Variants in EZR observed in about 807,000 individuals in gnomAD.
The protein encoded by EZR is cytovillin 2.
A neutral mutation model predicts 74.8 loss-of-function variants in EZR; 40 were observed. The observed-to-expected ratio is 0.53, with a 90% CI of 0.42 to 0.70. The LOEUF is 0.70. Ranked by LOEUF, EZR falls within the 30% of genes least tolerant of loss-of-function variation. EZR has a pLI of 0.00. For synonymous variants in EZR, 341 were observed against 283.3 expected (o/e 1.20, Z -2.05); for missense variants, 678 against 755.8 (o/e 0.90, Z 1.21).
intron 8 of EZR, among the ~76,000 whole-genome samples, chr6:158,773,681 C>T (rs1454123931): frequency 2.6e-5 from 4 of 152,198 alleles, no homozygotes; most frequent in African/African-American, 4.8e-5. Context: ...CTCATCTGGC[C>T]GCAGAGATGG....
At chr6:158,789,705 T>A (rs1791682289) in intron 2 of EZR, among the ~76,000 whole-genome samples, 2 of 152,166 alleles carry the variant, frequency 1.3e-5, no homozygotes, top group African/African-American at 2.4e-5. Context: ...CTAGTCATGA[T>A]CTCCCAGGCT....
At position 158,818,082 on chromosome 6, in the gene EZR, T is replaced by C. The variant is rs769585908; in HGVS notation, c.12A>G (p.Pro4=). MPK[P]INVRVTTMDA... ...CCGGCCCAGAAACTGGGCAACTTAC[T>C]GGTTTCGGCATTTTCGGTTTCTGGT... The change falls in exon 2 of 14, where the codon CCA becomes CCG. Residue 4 remains proline (P), a splice_region_variant and synonymous_variant. Transcript: ENST00000367075. 7 of 1,609,746 alleles carry C rather than the reference T, an allele frequency of 4.3e-6. No homozygotes were observed. Among genetic ancestry groups the C allele is most frequent in the Middle Eastern group, 1.7e-4 (1 of 6,054 alleles).
In EZR at chr6:158,784,647, A is replaced by G. The variant is rs1336754517; in HGVS notation, c.548T>C (p.Leu183Pro). The part of the protein sequence containing the change: ...QVWHAEHRGM[L>P]KDNAMLEYLK... ...AACAGCAGGGCACAGCACTCACTTG[A>G]GCATCCCACGGTGTTCCGCATGCCA... Residue 183 changes from leucine (L) to proline (P), a missense_variant, in exon 6 of 14, where the codon CTC (leucine) becomes CCC (proline). Coordinates refer to ENST00000367075, the MANE Select transcript of EZR (RefSeq NM_001111077.2). 6.2e-7 allele frequency: 1 copy of G among 1,613,810 alleles called. No individual in the cohort carries two copies. The highest frequency in any genetic ancestry group is 8.5e-7 in the Non-Finnish European group (1 of 1,179,812).
chr6:158,810,449 C>T lies in EZR; in HGVS notation c.12+7633G>A, dbSNP rs889289995. Among the ~76,000 whole-genome samples the T allele has an allele frequency of 4.6e-5, 7 of 152,296 alleles. No individual in the cohort carries two copies. In the South Asian group the frequency reaches 1.0e-3, roughly 23 times the overall value. ...CATGCACTACACTGCATTGTAATTGCTTACATATCTGCTTTCACTAGGAGA... is the reference window on the plus strand; with the variant it reads ...CATGCACTACACTGCATTGTAATTGTTTACATATCTGCTTTCACTAGGAGA... On this transcript the variant is annotated intron_variant, in intron 2 of 13. Coordinates refer to ENST00000367075, the MANE Select transcript of EZR (RefSeq NM_001111077.2).
intron 7 of EZR, among the ~76,000 whole-genome samples, chr6:158,781,707 A>C (rs1791437096): frequency 6.6e-6 from 1 of 151,938 alleles, no homozygotes. Context: ...CCACGGCTTC[A>C]GCTCTAGGGT....
chr6:158,808,894 G>A (rs899144669), intron 2 of EZR, among the ~76,000 whole-genome samples: 2 of 152,224 alleles, frequency 1.3e-5, no homozygotes, highest in Middle Eastern at 3.2e-3. Flanking sequence ...TTGAGAGACT[G>A]AGGCAGGAGG....
intron 8 of EZR, among the ~76,000 whole-genome samples, chr6:158,775,104 C>T (rs1791237381): frequency 6.9e-6 from 1 of 144,940 alleles, no homozygotes; most frequent in Non-Finnish European, 1.5e-5. Flanking sequence ...GCGATCTCAG[C>T]TCACTGCAAC....
Position 158,766,909 on chromosome 6 carries a change from G to A in EZR, c.*5C>T, listed in dbSNP as rs2230144. On this transcript the variant is annotated 3_prime_UTR_variant, in exon 14 of 14. Coordinates refer to ENST00000367075, the MANE Select transcript of EZR (RefSeq NM_001111077.2). ...ACCCCTCTGCCCTTGGTCCTGGCCTGGCTGTTACAGGGCCTCGAACTCGTC... is the reference window on the plus strand; with the variant it reads ...ACCCCTCTGCCCTTGGTCCTGGCCTAGCTGTTACAGGGCCTCGAACTCGTC... 498 of 1,613,816 alleles carry A rather than the reference G, an allele frequency of 3.1e-4. 2 individuals carry two copies. Among genetic ancestry groups the A allele is most frequent in the Middle Eastern group, 5.0e-4 (3 of 6,036 alleles).
Position 158,801,467 on chromosome 6 carries a change from A to G in EZR, c.13-12096T>C, listed in dbSNP as rs569896022. On this transcript the variant is annotated intron_variant, in intron 2 of 13. Transcript: ENST00000367075. The stretch of plus-strand genomic sequence containing the variant: ...AAGGCCAGCCATCTATCTAAGCTCC[A>G]CAAATCTTGTAAAAAGTGCACAGAA... Among the ~76,000 whole-genome samples, 6 of 152,352 alleles carry G rather than the reference A, an allele frequency of 3.9e-5. No individual in the cohort carries two copies. In the South Asian group the frequency reaches 1.2e-3, roughly 32 times the overall value.
intron 7 of EZR, among the ~76,000 whole-genome samples, chr6:158,779,903 G>A (rs1178135917): frequency 3.1e-5 from 4 of 129,300 alleles, no homozygotes; most frequent in Non-Finnish European, 6.6e-5. Flanking sequence ...GCAAGAATGG[G>A]CCAGGCATGG....
At chr6:158,801,700 A>G (rs1307461357) in intron 2 of EZR, among the ~76,000 whole-genome samples, 1 of 152,208 alleles carries the variant, frequency 6.6e-6, no homozygotes, top group Admixed American at 6.5e-5. Flanking sequence ...ACAAGAGTCC[A>G]CTTGTCACAA....
intron 8 of EZR, among the ~76,000 whole-genome samples, chr6:158,775,217 G>C (rs1791242973): frequency 6.6e-6 from 1 of 151,976 alleles, no homozygotes; most frequent in African/African-American, 2.4e-5. Context: ...ATTTTTAGTA[G>C]AGATGGGGTT....
intron 2 of EZR, among the ~76,000 whole-genome samples, chr6:158,809,999 C>T (rs146543603): frequency 6.6e-6 from 1 of 152,242 alleles, no homozygotes; most frequent in African/African-American, 2.4e-5. Flanking sequence ...TCCACACAGG[C>T]AGTTTAAAAT....
intron 1 of EZR, 96 bp downstream of exon 1, chr6:158,819,221 C>T (rs1777637070): frequency 6.5e-6 from 1 of 153,024 alleles, no homozygotes; most frequent in Non-Finnish European, 1.5e-5. Context: ...GGCTGCCCGC[C>T]GCACCTGCCG....
chr6:158,808,454 AAAC>A (rs1364982384), intron 2 of EZR, among the ~76,000 whole-genome samples: 2 of 152,228 alleles, frequency 1.3e-5, no homozygotes, highest in Admixed American at 6.5e-5. Flanking sequence ...GCAAAAGGAC[AAAC>A]AACAAGGTTA....
At chr6:158,767,579 G>A (rs1790934819) in intron 12 of EZR, 67 bp from the exon 13 acceptor site, 10 of 1,481,918 alleles carry the variant, frequency 6.7e-6, no homozygotes, top group Non-Finnish European at 9.0e-6. Flanking sequence ...TATGAGAACA[G>A]ACTGTCACCT....
At chr6:158,798,513 A>G (rs1407171921) in intron 2 of EZR, among the ~76,000 whole-genome samples, 1 of 150,878 alleles carries the variant, frequency 6.6e-6, no homozygotes, top group African/African-American at 2.4e-5. Flanking sequence ...CTTAGCCCTC[A>G]CTGCTTCTGG....
chr6:158,793,967 G>A (rs149055363), intron 2 of EZR, among the ~76,000 whole-genome samples: 40 of 152,220 alleles, frequency 2.6e-4, no homozygotes, highest in African/African-American at 9.4e-4. Flanking sequence ...ACTTATCCAA[G>A]GGCTTGGGGA....
At chr6:158,790,599 A>C (rs565466474) in intron 2 of EZR, among the ~76,000 whole-genome samples, 1 of 152,152 alleles carries the variant, frequency 6.6e-6, no homozygotes, top group Non-Finnish European at 1.5e-5. Context: ...GCTTGAACCC[A>C]GGAGGCGGAG....
Sources: gnomAD v4.1 joint callset for allele counts (sites outside exome capture counted in the v4.1 genomes callset) on GRCh38, gnomAD v4.1.1 for gene constraint, MANE v1.5 for transcripts, NCBI Gene and HGNC (gene_info 2026-07-23, HGNC 2026-07-21) for gene names.